EGFR: variants seen among roughly 807,000 people sequenced by gnomAD.
The protein encoded by EGFR is avian erythroblastic leukemia viral (v-erb-b) oncogene homolog.
A neutral mutation model predicts 143.0 loss-of-function variants in EGFR; 58 were observed. That is an observed-to-expected ratio of 0.41 (90% confidence interval 0.33 to 0.50). The LOEUF (loss-of-function observed/expected upper bound fraction) is 0.50. Among genes scored for constraint, EGFR ranks in the 20% least tolerant of loss-of-function variants. The probability of loss-of-function intolerance (pLI) is 0.39; values close to 1 mark genes in which losing one functional copy is unlikely to be tolerated. For synonymous variants in EGFR, 613 were observed against 594.4 expected (o/e 1.03, Z -0.45); for missense variants, 1,307 against 1,579.0 (o/e 0.83, Z 2.92).
At chr7:55,111,744 G>A (rs1035519219) in intron 1 of EGFR, among the ~76,000 whole-genome samples, 5 of 152,152 alleles carry the variant, frequency 3.3e-5, no homozygotes, top group Admixed American at 1.3e-4. Flanking sequence ...GTAAAGACCT[G>A]TCCTTCTATG....
Position 55,209,779 on chromosome 7 carries a change from T to C in EGFR, c.*4162T>C, listed in dbSNP as rs1472970038. 6.6e-6 allele frequency: 1 copy of C among 152,242 alleles called. No homozygotes were observed. Among genetic ancestry groups the C allele is most frequent in the African/African-American group, 2.4e-5 (1 of 41,466 alleles). The allele number at this position is 152,242 out of a possible 1,614,324, so 9.4% of individuals were successfully genotyped here. On this transcript the variant is annotated 3_prime_UTR_variant, in exon 28 of 28. Transcript: ENST00000275493. ...TTGTTGCGGGATATAGTTCTCTTTA[T>C]GTAGCACTGAACTTTGTACAATATA...
chr7:55,019,069 G>A lies in EGFR; in HGVS notation c.-209G>A, dbSNP rs1455208502. 2.5e-5 allele frequency: 7 copies of A among 276,442 alleles called. No homozygotes were observed. The highest frequency in any genetic ancestry group is 1.1e-4 in the African/African-American group (5 of 44,608). 17.1% of individuals were successfully genotyped at this position (276,442 alleles called of 1,614,324 possible). On this transcript the variant is annotated 5_prime_UTR_variant, in exon 1 of 28. Coordinates refer to ENST00000275493, the MANE Select transcript of EGFR (RefSeq NM_005228.5). ...GCGGCCGCAGCAGCCTCCGCCCCCC[G>A]CACGGTGTGAGCGCCCGACGCGGCC...
chr7:55,082,927 C>A (rs1790545291), intron 1 of EGFR, among the ~76,000 whole-genome samples: 1 of 152,164 alleles, frequency 6.6e-6, no homozygotes, highest in African/African-American at 2.4e-5. Context: ...GCATTCCTTG[C>A]CTTGTAGATG....
chr7:55,191,955 C>A, intron 21 of EGFR, 81 bp downstream of exon 21: 1 of 1,587,824 alleles, frequency 6.3e-7, no homozygotes, highest in South Asian at 1.1e-5. Context: ...TATTGTTTAA[C>A]ACATGCAGGG....
intron 20 of EGFR, among the ~76,000 whole-genome samples, chr7:55,189,762 A>T (rs1014450261): frequency 6.6e-6 from 1 of 152,212 alleles, no homozygotes; most frequent in Non-Finnish European, 1.5e-5. Flanking sequence ...TACAAATGTG[A>T]AGAACGAACA....
chr7:55,061,645 TGTGTGAGA>T (rs1165098391), intron 1 of EGFR, among the ~76,000 whole-genome samples: 8 of 108,622 alleles, frequency 7.4e-5, no homozygotes, highest in African/African-American at 2.6e-4. Flanking sequence ...TGTGTGTGTG[TGTGTGAGA>T]GAGAGAGAGA....
chr7:55,020,096 C>A (rs1429362021), intron 1 of EGFR, among the ~76,000 whole-genome samples: 2 of 152,216 alleles, frequency 1.3e-5, no homozygotes, highest in East Asian at 1.9e-4. Context: ...GTGGTGCTGG[C>A]GGCGGTTAGT....
chr7:55,072,089 G>A (rs1562689715), intron 1 of EGFR, among the ~76,000 whole-genome samples: 1 of 151,964 alleles, frequency 6.6e-6, no homozygotes, highest in African/African-American at 2.4e-5. Context: ...GAAACTCCCT[G>A]GTTAGGCCTT....
At chr7:55,121,788 A>G (rs1270870250) in intron 1 of EGFR, among the ~76,000 whole-genome samples, 1 of 152,242 alleles carries the variant, frequency 6.6e-6, no homozygotes, top group African/African-American at 2.4e-5. Context: ...AAAGCATTTA[A>G]GTGATGCAGT....
At chr7:55,118,419 C>T (rs1793000443) in intron 1 of EGFR, among the ~76,000 whole-genome samples, 3 of 152,188 alleles carry the variant, frequency 2.0e-5, no homozygotes, top group Admixed American at 1.3e-4. Context: ...GTAAGATAGG[C>T]TCAGTAGGTA....
chr7:55,170,287 ACTTGTCCAT>A, intron 15 of EGFR: 1 of 1,614,120 alleles, frequency 6.2e-7, no homozygotes, highest in Non-Finnish European at 8.5e-7. Context: ...ATTGAAATGT[ACTTGTCCAT>A]CTTTCTCCAG....
intron 1 of EGFR, among the ~76,000 whole-genome samples, chr7:55,122,265 C>T (rs1793251913): frequency 6.6e-6 from 1 of 152,164 alleles, no homozygotes; most frequent in African/African-American, 2.4e-5. Flanking sequence ...GATTTTTCAC[C>T]TGGCAGCTCC....
At chr7:55,041,208 T>C (rs973437354) in intron 1 of EGFR, among the ~76,000 whole-genome samples, 1 of 151,902 alleles carries the variant, frequency 6.6e-6, no homozygotes, top group East Asian at 1.9e-4. Context: ...AGGTCAGGAG[T>C]TCGAGACCAG....
At position 55,019,147 on chromosome 7, in the gene EGFR, AC is replaced by A; in HGVS notation, c.-130del. The stretch of plus-strand genomic sequence containing the variant: ...CGGCGGCCGCCGCCGCCCAGACCGG[AC>A]GACAGGCCACCTCGTCGGCGTCCGC... On this transcript the variant is annotated 5_prime_UTR_variant, in exon 1 of 28. Coordinates refer to ENST00000275493, the MANE Select transcript of EGFR (RefSeq NM_005228.5). 1.4e-6 allele frequency: 1 copy of A among 689,796 alleles called. No individual in the cohort carries two copies. Among genetic ancestry groups the A allele is most frequent in the East Asian group, 4.0e-5 (1 of 24,986 alleles). The allele number at this position is 689,796 out of a possible 1,614,324, so 42.7% of individuals were successfully genotyped here.
At chr7:55,128,316 G>T (rs1183865869) in intron 1 of EGFR, among the ~76,000 whole-genome samples, 3 of 152,206 alleles carry the variant, frequency 2.0e-5, no homozygotes, top group African/African-American at 7.2e-5. Flanking sequence ...GAGAGTTAAA[G>T]AAATCCACTG....
rs549083259 is a variant in EGFR at position 55,107,475 on chromosome 7, C to T, written c.89-34811C>T. On this transcript the variant is annotated intron_variant, in intron 1 of 27. Coordinates refer to ENST00000275493, the MANE Select transcript of EGFR (RefSeq NM_005228.5). Reference sequence around the variant, plus strand: ...AAAAATCTATTATTTCAGATGTTCACGTCTAATGAATTTCATGTGAAATAC... The same window carrying T: ...AAAAATCTATTATTTCAGATGTTCATGTCTAATGAATTTCATGTGAAATAC... Among the ~76,000 whole-genome samples, 10 of 152,280 alleles carry T rather than the reference C, an allele frequency of 6.6e-5. No individual in the cohort carries two copies. The East Asian group carries it at 1.5e-3, about 23-fold the overall frequency.
rs2128951266 is a variant in EGFR, at chr7:55,171,123, T to C, written c.1881-52T>C. 10 of 1,612,490 alleles carry C rather than the reference T, an allele frequency of 6.2e-6. No individual in the cohort carries two copies. In the South Asian group the frequency reaches 1.1e-4, roughly 18 times the overall value. On this transcript the variant is annotated intron_variant, in intron 15 of 27. Coordinates refer to ENST00000275493, the MANE Select transcript of EGFR (RefSeq NM_005228.5). The stretch of plus-strand genomic sequence containing the variant: ...TTTAATTAAAAATCTCCAAAATATA[T>C]GCCAAAGAAGTAGAATGAGAAAAAT...
intron 20 of EGFR, among the ~76,000 whole-genome samples, chr7:55,182,888 A>G (rs1786955452): frequency 6.6e-6 from 1 of 152,184 alleles, no homozygotes; most frequent in Non-Finnish European, 1.5e-5. Flanking sequence ...CTCGGATGCC[A>G]GGGCCTCTTT....
chr7:55,049,834 C>T (rs1788384757), intron 1 of EGFR, among the ~76,000 whole-genome samples: 1 of 152,170 alleles, frequency 6.6e-6, no homozygotes, highest in Non-Finnish European at 1.5e-5. Context: ...TAAAATTGGT[C>T]CCTGATCTAG....
Sources: allele counts gnomAD v4.1 joint callset (sites outside exome capture counted in the v4.1 genomes callset), GRCh38; gene constraint gnomAD v4.1.1; transcripts MANE v1.5; gene names NCBI Gene and HGNC (gene_info 2026-07-23, HGNC 2026-07-21).